CHLSN: variants seen among roughly 807,000 people sequenced by gnomAD.
The protein encoded by CHLSN is protein cholesin.
chr7:1,075,338 C>T, the CHLSN span, among the ~76,000 whole-genome samples: 1 of 152,018 alleles, frequency 6.6e-6, no homozygotes, highest in Non-Finnish European at 1.5e-5. Context: ...TGGTAAAATC[C>T]TGTCTCTACT....
chr7:1,041,345 TGCGGGGAAGGGGGC>T, the CHLSN span, among the ~76,000 whole-genome samples: 6 of 83,622 alleles, frequency 7.2e-5, no homozygotes, highest in African/African-American at 2.4e-4. Flanking sequence ...GGGTCCGCGC[TGCGGGGAAGGGGGC>T]CTGGGGTCCG....
chr7:1,079,623 T>C, the CHLSN span, among the ~76,000 whole-genome samples: 2 of 152,296 alleles, frequency 1.3e-5, no homozygotes, highest in East Asian at 1.9e-4. Flanking sequence ...CTGCCCAATG[T>C]AGACGTGTGA....
the CHLSN span, among the ~76,000 whole-genome samples, chr7:1,073,170 C>T: frequency 6.6e-6 from 1 of 152,110 alleles, no homozygotes; most frequent in Non-Finnish European, 1.5e-5. Flanking sequence ...GGAAGGCGCT[C>T]CTCTGGCCTC....
At chr7:981,647 G>A in the CHLSN span, among the ~76,000 whole-genome samples, 2 of 152,086 alleles carry the variant, frequency 1.3e-5, no homozygotes, top group South Asian at 2.1e-4. Flanking sequence ...CCGGGAGGCG[G>A]AGGTTGCAGT....
the CHLSN span, among the ~76,000 whole-genome samples, chr7:1,021,766 C>A: frequency 6.6e-6 from 1 of 152,226 alleles, no homozygotes; most frequent in African/African-American, 2.4e-5. Context: ...ACACAAACAG[C>A]GCACTAAAAG....
chr7:1,096,193 C>T, the CHLSN span, among the ~76,000 whole-genome samples: 1 of 152,246 alleles, frequency 6.6e-6, no homozygotes, highest in African/African-American at 2.4e-5. The surrounding 1 kb of genome is among the most constrained non-coding windows in gnomAD (Gnocchi z 4.6). Flanking sequence ...TCCTCTCCGC[C>T]AGGTCTCTTC....
chr7:1,007,092 G>A, the CHLSN span, among the ~76,000 whole-genome samples: 1 of 152,206 alleles, frequency 6.6e-6, no homozygotes, highest in Non-Finnish European at 1.5e-5. Flanking sequence ...GGGATCTGGA[G>A]GGGAGACCCC....
At chr7:1,071,688 C>T in the CHLSN span, among the ~76,000 whole-genome samples, 3 of 152,172 alleles carry the variant, frequency 2.0e-5, no homozygotes, top group African/African-American at 4.8e-5. Context: ...AGGGCACCGT[C>T]GCCACAGGAC....
At chr7:1,098,253 G>A in the CHLSN span, among the ~76,000 whole-genome samples, 33,893 of 152,022 alleles carry the variant, frequency 0.22, 4,007 homozygotes, top group African/African-American at 0.25. Flanking sequence ...CAGGACAAAC[G>A]TTATCCACTC....
the CHLSN span, among the ~76,000 whole-genome samples, chr7:1,123,870 G>T: frequency 7.6e-6 from 1 of 130,986 alleles, no homozygotes; most frequent in East Asian, 2.3e-4. This position sits in a 1 kb window ranked among gnomAD's most constrained non-coding sequence, Gnocchi z 4.4. Flanking sequence ...GGTGAACCGG[G>T]CTCCACCGAG....
the CHLSN span, among the ~76,000 whole-genome samples, chr7:1,073,417 G>T: frequency 6.6e-6 from 1 of 152,004 alleles, no homozygotes; most frequent in Non-Finnish European, 1.5e-5. Context: ...AGCTCCCGCC[G>T]CCCCTCAGGC....
the CHLSN span, among the ~76,000 whole-genome samples, chr7:1,014,881 T>C: frequency 0.36 from 55,179 of 152,224 alleles, 11,140 homozygotes; most frequent in African/African-American, 0.55. Flanking sequence ...GCACCAATTC[T>C]GTCTACAGCC....
the CHLSN span, among the ~76,000 whole-genome samples, chr7:1,012,340 G>A: frequency 6.6e-6 from 1 of 152,226 alleles, no homozygotes; most frequent in Admixed American, 6.5e-5. Context: ...CAAGGCTGTG[G>A]GCAACAGCAA....
chr7:997,741 C>T, the CHLSN span: 2 of 1,611,420 alleles, frequency 1.2e-6, no homozygotes, highest in Non-Finnish European at 1.7e-6. Flanking sequence ...ACCGTCAGCT[C>T]TCGGGCCCGG....
At chr7:1,059,066 G>A in the CHLSN span, 3 of 173,428 alleles carry the variant, frequency 1.7e-5, no homozygotes, top group African/African-American at 2.4e-5. Context: ...TGCCTGAGAC[G>A]CGGAGACATG....
At chr7:1,023,235 C>T in the CHLSN span, among the ~76,000 whole-genome samples, 3 of 152,222 alleles carry the variant, frequency 2.0e-5, no homozygotes, top group East Asian at 1.9e-4. The surrounding 1 kb of genome is among the most constrained non-coding windows in gnomAD (Gnocchi z 5.0). Context: ...CTCCTGCAGC[C>T]GCGACACGGG....
chr7:987,528 C>T, the CHLSN span: 1 of 1,519,880 alleles, frequency 6.6e-7, no homozygotes, highest in South Asian at 1.2e-5. Flanking sequence ...TCCTGCTCCC[C>T]AAGGTGGGGC....
chr7:1,004,531 G>C, the CHLSN span, among the ~76,000 whole-genome samples: 2 of 152,118 alleles, frequency 1.3e-5, no homozygotes, highest in African/African-American at 4.8e-5. Flanking sequence ...CTCTCACCGA[G>C]CCCCCACCAG....
chr7:1,086,292 T>C, the CHLSN span, among the ~76,000 whole-genome samples: 2 of 152,216 alleles, frequency 1.3e-5, no homozygotes, highest in Non-Finnish European at 1.5e-5. Flanking sequence ...TTTTACTTAT[T>C]TTTTTCTGTA....
Sources: allele counts gnomAD v4.1 joint callset (sites outside exome capture counted in the v4.1 genomes callset), GRCh38; gene constraint gnomAD v4.1.1; non-coding constraint Gnocchi (gnomAD v3.1); transcripts MANE v1.5; gene names NCBI Gene and HGNC (gene_info 2026-07-23, HGNC 2026-07-21).